The following ATP9B variants were observed in gnomAD, a reference collection of about 807,000 sequenced individuals.
ATP9B encodes probable phospholipid-transporting ATPase IIB.
In ATP9B, 110 loss-of-function variants were observed where a neutral mutation model predicts 146.1. The observed-to-expected ratio is 0.75, with a 90% CI of 0.65 to 0.88. ATP9B has a LOEUF of 0.88. ATP9B is among the 40% of genes least tolerant of loss of function. The probability of loss-of-function intolerance (pLI) is 0.00; values close to 1 mark genes in which losing one functional copy is unlikely to be tolerated. For missense variants in ATP9B, 1,499 were observed against 1,496.4 expected (o/e 1.00, Z -0.03); for synonymous variants, 604 against 569.7 (o/e 1.06, Z -0.86).
chr18:79,342,735 T>C (rs2096866307), intron 20 of ATP9B, among the ~76,000 whole-genome samples: 2 of 152,204 alleles, frequency 1.3e-5, no homozygotes, highest in South Asian at 4.1e-4. Context: ...ACTATTAGTA[T>C]TATTTGCTAT....
In ATP9B at chr18:79,350,082, T is replaced by A. The variant is rs1279765916; in HGVS notation, c.2903+1886T>A. ...CAGAGGAGGGCCAGACTCTGGCGGA[T>A]TCTAGGCCCCCCACCCCAAGCCTCA... is the stretch of plus-strand genomic sequence containing the variant. On this transcript the variant is annotated intron_variant, in intron 25 of 29. Coordinates refer to ENST00000426216, the MANE Select transcript of ATP9B (RefSeq NM_198531.5). Among the ~76,000 whole-genome samples the A allele has an allele frequency of 2.0e-5, 3 of 152,160 alleles. No homozygotes were observed. The East Asian group carries it at 5.8e-4, about 29-fold the overall frequency.
chr18:79,290,830 C>T (rs113346935), intron 13 of ATP9B, among the ~76,000 whole-genome samples: 1 of 152,186 alleles, frequency 6.6e-6, no homozygotes, highest in Admixed American at 6.5e-5. Flanking sequence ...ATGTATGTGT[C>T]TTACTTTGTT....
At chr18:79,141,906 G>T (rs979055453) in intron 5 of ATP9B, among the ~76,000 whole-genome samples, 1 of 152,242 alleles carries the variant, frequency 6.6e-6, no homozygotes, top group Non-Finnish European at 1.5e-5. Flanking sequence ...GTGAAAGCGG[G>T]TAACTTTCCT....
chr18:79,278,315 A>C (rs952777006), intron 13 of ATP9B, among the ~76,000 whole-genome samples: 1 of 152,148 alleles, frequency 6.6e-6, no homozygotes, highest in Non-Finnish European at 1.5e-5. Context: ...CTCGAACTCG[A>C]TGGTGGTGCA....
intron 2 of ATP9B, among the ~76,000 whole-genome samples, chr18:79,107,097 A>C (rs927429817): frequency 3.9e-5 from 6 of 152,240 alleles, no homozygotes; most frequent in African/African-American, 1.4e-4. Flanking sequence ...AAAAATTCAT[A>C]TCTGAGTCCG....
chr18:79,232,088 T>C, intron 11 of ATP9B, among the ~76,000 whole-genome samples: 1 of 151,990 alleles, frequency 6.6e-6, no homozygotes, highest in East Asian at 1.9e-4. Flanking sequence ...TGACCTTCTG[T>C]AAAGAGGGTC....
chr18:79,111,610 G>A (rs1279454343), intron 3 of ATP9B, among the ~76,000 whole-genome samples: 2 of 152,184 alleles, frequency 1.3e-5, no homozygotes, highest in East Asian at 3.8e-4. Flanking sequence ...AATACTCACA[G>A]ATCTCAGAGA....
At chr18:79,199,218 TG>T (rs2095443126) in intron 9 of ATP9B, among the ~76,000 whole-genome samples, 2 of 152,258 alleles carry the variant, frequency 1.3e-5, no homozygotes, top group Admixed American at 1.3e-4. Flanking sequence ...CCCAAAGTGC[TG>T]GGATTACAGG....
At chr18:79,354,816 G>A (rs587541) in intron 25 of ATP9B, among the ~76,000 whole-genome samples, 1 of 152,206 alleles carries the variant, frequency 6.6e-6, no homozygotes, top group Non-Finnish European at 1.5e-5. Context: ...CATGGGTGCA[G>A]AAATTTAAAA....
intron 1 of ATP9B, among the ~76,000 whole-genome samples, chr18:79,073,568 G>A (rs1360354644): frequency 2.6e-5 from 4 of 152,240 alleles, no homozygotes; most frequent in Non-Finnish European, 5.9e-5. Context: ...AGTGAGCCAA[G>A]ATTGCGGCAG....
chr18:79,283,690 A>G (rs997856582), intron 13 of ATP9B, among the ~76,000 whole-genome samples: 8 of 152,222 alleles, frequency 5.3e-5, no homozygotes, highest in Non-Finnish European at 1.2e-4. Flanking sequence ...TCATTCGACA[A>G]GCGTAGACAT....
At chr18:79,328,640 C>T (rs1331110601) in intron 15 of ATP9B, among the ~76,000 whole-genome samples, 3 of 152,152 alleles carry the variant, frequency 2.0e-5, no homozygotes, top group Admixed American at 2.0e-4. Flanking sequence ...TTTAAGTTTG[C>T]AAATATTACA....
chr18:79,091,660 C>T (rs779086862), intron 1 of ATP9B, among the ~76,000 whole-genome samples: 2 of 152,142 alleles, frequency 1.3e-5, no homozygotes, highest in Non-Finnish European at 2.9e-5. Flanking sequence ...TTGATCAGTT[C>T]TAATAGTTTT....
At chr18:79,330,160 G>C (rs2096782421) in intron 17 of ATP9B, 56 bp downstream of exon 17, 1 of 1,489,614 alleles carries the variant, frequency 6.7e-7, no homozygotes, top group South Asian at 1.1e-5. Flanking sequence ...GGAGGTATGT[G>C]AGTGACTCTC....
intron 25 of ATP9B, among the ~76,000 whole-genome samples, chr18:79,351,605 C>G (rs2096922752): frequency 6.6e-6 from 1 of 152,204 alleles, no homozygotes. Flanking sequence ...TAAACTGGCT[C>G]TAGAACCTAG....
chr18:79,282,265 G>A (rs1013201604), intron 13 of ATP9B, among the ~76,000 whole-genome samples: 3 of 152,250 alleles, frequency 2.0e-5, no homozygotes, highest in African/African-American at 7.2e-5. Flanking sequence ...CATAAGCTAA[G>A]TTGATAAAGC....
intron 7 of ATP9B, among the ~76,000 whole-genome samples, chr18:79,168,619 A>G (rs77626847): frequency 0.026 from 3,944 of 152,268 alleles, 185 homozygotes; most frequent in African/African-American, 0.089. Context: ...CAGATAGGCC[A>G]TGACTGGCAC....
chr18:79,157,424 A>C (rs1474591475), intron 7 of ATP9B, among the ~76,000 whole-genome samples: 7 of 140,470 alleles, frequency 5.0e-5, no homozygotes, highest in East Asian at 2.0e-4. Flanking sequence ...AAAAAAAAAA[A>C]CATGTATTGA....
At chr18:79,323,809 G>A (rs2096729360) in intron 15 of ATP9B, among the ~76,000 whole-genome samples, 1 of 152,132 alleles carries the variant, frequency 6.6e-6, no homozygotes, top group African/African-American at 2.4e-5. Context: ...TCCTTTCTTT[G>A]GGGGATATTC....
Sources: allele counts gnomAD v4.1 joint callset (sites outside exome capture counted in the v4.1 genomes callset), GRCh38; gene constraint gnomAD v4.1.1; transcripts MANE v1.5; gene names NCBI Gene and HGNC (gene_info 2026-07-23, HGNC 2026-07-21).